TRIM5: variants seen among roughly 807,000 people sequenced by gnomAD.
TRIM5 encodes tripartite motif containing 5.
In TRIM5, 31 loss-of-function variants were observed where a neutral mutation model predicts 35.6. The ratio of observed to expected loss-of-function variants is 0.87; its 90% CI spans 0.65 to 1.18. The LOEUF is 1.18. Among genes scored for constraint, TRIM5 ranks in the 50% most tolerant of loss-of-function variants. TRIM5 has a pLI of 0.00. For synonymous variants in TRIM5, 243 were observed against 215.6 expected, an observed-to-expected ratio of 1.13 and a Z score of -1.11; for missense variants, 609 against 591.6, an observed-to-expected ratio of 1.03 and a Z score of -0.31.
the TRIM5 span, chr11:5,608,322 A>G: frequency 6.2e-7 from 1 of 1,609,602 alleles, no homozygotes; most frequent in Non-Finnish European, 8.5e-7. Flanking sequence ...AAATGTGGAT[A>G]AGGGCATGAC....
chr11:5,595,673 G>T, the TRIM5 span, among the ~76,000 whole-genome samples: 3 of 151,650 alleles, frequency 2.0e-5, no homozygotes, highest in Admixed American at 6.6e-5. Flanking sequence ...CGGATTTGCC[G>T]TTCATCAGGT....
chr11:5,610,872 CCTTCCTGTCTG>C, the TRIM5 span: 2 of 1,614,188 alleles, frequency 1.2e-6, no homozygotes, highest in Non-Finnish European at 1.7e-6. Context: ...AGTATCTGGA[CCTTCCTGTCTG>C]GAAAAGCATT....
the TRIM5 span, among the ~76,000 whole-genome samples, chr11:5,597,119 TGCCGCA>T: frequency 6.6e-6 from 1 of 152,220 alleles, no homozygotes; most frequent in African/African-American, 2.4e-5. Flanking sequence ...GGAGCATAGA[TGCCGCA>T]GCCAGACTGC....
the TRIM5 span, among the ~76,000 whole-genome samples, chr11:5,640,278 C>T: frequency 0.28 from 43,246 of 151,960 alleles, 6,949 homozygotes; most frequent in East Asian, 0.62. Context: ...TTTTATCAGG[C>T]TGAGGGACCT....
intron 1 of TRIM5, among the ~76,000 whole-genome samples, chr11:5,682,240 C>T (rs1423545384): frequency 1.3e-5 from 2 of 152,186 alleles, no homozygotes; most frequent in Non-Finnish European, 2.9e-5. Flanking sequence ...TCTGTCTCTA[C>T]TAAAAATACA....
chr11:5,616,112 G>A, the TRIM5 span, among the ~76,000 whole-genome samples: 36,722 of 148,740 alleles, frequency 0.25, 4,964 homozygotes, highest in East Asian at 0.46. Flanking sequence ...CACCACGCCC[G>A]GCTAATTTTT....
the TRIM5 span, chr11:5,605,461 T>G: frequency 6.2e-7 from 1 of 1,614,178 alleles, no homozygotes; most frequent in Non-Finnish European, 8.5e-7. Context: ...GGGCTACGAA[T>G]TATAGAAGAG....
the TRIM5 span, among the ~76,000 whole-genome samples, chr11:5,602,699 AT>A: frequency 6.6e-6 from 1 of 151,748 alleles, no homozygotes; most frequent in African/African-American, 2.4e-5. Flanking sequence ...CATGCCTGTA[AT>A]TCCAGCACTG....
At chr11:5,629,128 T>C in the TRIM5 span, among the ~76,000 whole-genome samples, 1 of 151,940 alleles carries the variant, frequency 6.6e-6, no homozygotes, top group South Asian at 2.1e-4. Flanking sequence ...AATCTAAAAA[T>C]TAGTTGGGCG....
At chr11:5,600,937 T>G in the TRIM5 span, among the ~76,000 whole-genome samples, 17 of 152,296 alleles carry the variant, frequency 1.1e-4, no homozygotes, top group South Asian at 3.1e-3. Flanking sequence ...GGAAACAGTT[T>G]TAAAAATTTT....
chr11:5,615,993 C>T, the TRIM5 span, among the ~76,000 whole-genome samples: 24,386 of 142,772 alleles, frequency 0.17, 2,078 homozygotes, highest in East Asian at 0.31. Flanking sequence ...AGTGACATGG[C>T]GCAGTTGAGT....
chr11:5,636,024 C>A, the TRIM5 span, among the ~76,000 whole-genome samples: 1 of 152,176 alleles, frequency 6.6e-6, no homozygotes. Flanking sequence ...CCTAGCCATT[C>A]CATTCCTACC....
the TRIM5 span, among the ~76,000 whole-genome samples, chr11:5,599,712 A>ATT: frequency 6.6e-6 from 1 of 152,042 alleles, no homozygotes; most frequent in Non-Finnish European, 1.5e-5. Context: ...CAACACAATT[A>ATT]TTTTTTAACA....
the TRIM5 span, among the ~76,000 whole-genome samples, chr11:5,649,751 G>C: frequency 2.0e-5 from 3 of 152,210 alleles, no homozygotes; most frequent in Admixed American, 2.0e-4. Context: ...ACTAGGAATA[G>C]TAGTGAGTGG....
intron 1 of TRIM5, among the ~76,000 whole-genome samples, 187 bp downstream of exon 1, chr11:5,684,681 G>A (rs963920266): frequency 1.3e-5 from 2 of 152,166 alleles, no homozygotes; most frequent in Non-Finnish European, 2.9e-5. Flanking sequence ...GGGATGGGGA[G>A]AGAGTCAGCA....
intron 5 of TRIM5, 75 bp from the exon 6 acceptor site, chr11:5,666,156 C>A: frequency 2.4e-6 from 3 of 1,228,884 alleles, no homozygotes; most frequent in Non-Finnish European, 2.3e-6. Flanking sequence ...GACTTCCTAT[C>A]ATTTCAACCC....
At chr11:5,668,913 A>C (rs912838552) in intron 4 of TRIM5, among the ~76,000 whole-genome samples, 2 of 152,150 alleles carry the variant, frequency 1.3e-5, no homozygotes, top group Non-Finnish European at 2.9e-5. Context: ...GTAGTGAAGG[A>C]GCAACAAGGA....
the TRIM5 span, chr11:5,643,799 G>C: frequency 6.7e-7 from 1 of 1,486,630 alleles, no homozygotes; most frequent in Non-Finnish European, 9.0e-7. Context: ...GCTTCCTTGT[G>C]GTTTCCCTTC....
chr11:5,631,997 T>C, the TRIM5 span, among the ~76,000 whole-genome samples: 1 of 152,182 alleles, frequency 6.6e-6, no homozygotes, highest in Non-Finnish European at 1.5e-5. Flanking sequence ...AAGGGACATG[T>C]AAGGAGAAAG....
Sources: gnomAD v4.1 joint callset for allele counts (sites outside exome capture counted in the v4.1 genomes callset) on GRCh38, gnomAD v4.1.1 for gene constraint, MANE v1.5 for transcripts, NCBI Gene and HGNC (gene_info 2026-07-23, HGNC 2026-07-21) for gene names.